BSCL2: variants seen among roughly 807,000 people sequenced by gnomAD.
BSCL2 encodes the protein BSCL2 lipid droplet biogenesis associated, seipin.
A neutral mutation model predicts 57.4 loss-of-function variants in BSCL2; 41 were observed. That is an observed-to-expected ratio of 0.71 (90% confidence interval 0.56 to 0.93). The LOEUF (loss-of-function observed/expected upper bound fraction) is 0.93, where lower values mean the gene tolerates loss of function less well. Ranked by LOEUF, BSCL2 falls within the 40% of genes least tolerant of loss-of-function variation. The pLI is 0.00. For synonymous variants in BSCL2, 237 were observed against 227.3 expected (o/e 1.04, Z -0.38); for missense variants, 539 against 586.7 (o/e 0.92, Z 0.84).
chr11:62,709,322 G>A (rs865806200), upstream of BSCL2: 8 of 454,086 alleles, frequency 1.8e-5, no homozygotes, highest in Non-Finnish European at 3.5e-5. Context: ...AGATCAGAGG[G>A]GTCGGGGGAT....
chr11:62,692,431 G>T lies in BSCL2; in HGVS notation c.808C>A (p.Arg270Ser), dbSNP rs751664305. Residue 270 changes from arginine (R) to serine (S), a missense_variant, in exon 6 of 11, where the codon CGC becomes AGC. Arg to Ser is a moderately radical substitution (Grantham distance 110). Coordinates refer to ENST00000360796, the MANE Select transcript of BSCL2 (RefSeq NM_001122955.4). ...AGGTAGGCTCCATACAGCTGGATGC[G>T]CTTGCTGTGGATCTCAATGATCGCT... ...TGAIIEIHSK[R>S]IQLYGAYLRI... 1 of 1,614,140 alleles carries T rather than the reference G, an allele frequency of 6.2e-7. No individual in the cohort carries two copies.
upstream of BSCL2, chr11:62,709,493 G>A (rs1198090027): frequency 4.4e-6 from 2 of 454,014 alleles, no homozygotes; most frequent in South Asian, 1.6e-5. Context: ...GAGTGCAGTC[G>A]TACAGCAGAG....
upstream of BSCL2, chr11:62,709,282 C>G (rs1423839077): frequency 6.6e-6 from 3 of 454,228 alleles, no homozygotes; most frequent in South Asian, 4.7e-5. Flanking sequence ...AAGGGCCAAT[C>G]AATGCAGGCT....
chr11:62,705,603 A>G lies in BSCL2; in HGVS notation c.102T>C (p.Ala34=). The change falls in exon 2 of 11, where the codon GCT becomes GCC. Residue 34 remains alanine (A), a synonymous_variant. Coordinates refer to ENST00000360796, the MANE Select transcript of BSCL2 (RefSeq NM_001122955.4). ...GPDKEEEPPA[A]ASHGQGWRPG... ...GACGCCACCCCTGGCCATGGGATGCAGCAGCTGGTGGTTCCTGGAAAGAGA... is the reference window on the plus strand; with the variant it reads ...GACGCCACCCCTGGCCATGGGATGCGGCAGCTGGTGGTTCCTGGAAAGAGA... 1.3e-6 allele frequency: 2 copies of G among 1,541,696 alleles called. No individual in the cohort carries two copies. The highest frequency in any genetic ancestry group is 1.8e-6 in the Non-Finnish European group (2 of 1,139,818).
rs201229787 is a variant in BSCL2 at position 62,691,293 on chromosome 11, C to T, written c.992G>A (p.Arg331His). The T allele has an allele frequency of 3.3e-5, 54 of 1,614,130 alleles. No individual in the cohort carries two copies. The African/African-American group carries it at 5.1e-4, about 15-fold the overall frequency. The change falls in exon 7 of 11, where the codon CGC (arginine) becomes CAC (histidine). Residue 331 changes from arginine (R) to histidine (H), a missense_variant. This residue lies in a region of BSCL2 where 248 missense variants were observed against 239.9 expected (regional missense o/e 1.03). Transcript: ENST00000360796. ...GCCCCTTTCGACCTGCAAAGAGAAG[C>T]GGTGTCGGGGCCAGATGCCCCCCCA... ...WVWGGIWPRH[R>H]FSLQVNIRKR...
rs756196182 is a variant in BSCL2, at chr11:62,692,677, A to G, written c.751T>C (p.Tyr251His). The part of the protein sequence containing the change: ...QLLEVELYAD[Y>H]RENSYVPTTG... ...ACCTCACTCACCGAGTTCTCTCTATAGTCTGCGTAGAGTTCCACCTCCAGC... is the reference window on the plus strand; with the variant it reads ...ACCTCACTCACCGAGTTCTCTCTATGGTCTGCGTAGAGTTCCACCTCCAGC... Residue 251 changes from tyrosine (Y) to histidine (H), a missense_variant, in exon 5 of 11, where the codon TAT becomes CAT. Physicochemically the swap from Tyr to His is moderately conservative, Grantham distance 83. Transcript: ENST00000360796. The G allele has an allele frequency of 2.5e-6, 4 of 1,614,118 alleles. No homozygotes were observed. The highest frequency in any genetic ancestry group is 3.4e-6 in the Non-Finnish European group (4 of 1,180,034).
chr11:62,707,083 C>A (rs983973824), intron 1 of BSCL2, 26 bp downstream of exon 1: 4 of 1,544,824 alleles, frequency 2.6e-6, no homozygotes, highest in Non-Finnish European at 3.5e-6. Flanking sequence ...TATATTTCTG[C>A]TGACTGTCCC....
At position 62,690,512 on chromosome 11, in the gene BSCL2, G is replaced by A. The variant is rs1590868109; in HGVS notation, c.1244C>T (p.Ser415Phe). 3 of 1,614,146 alleles carry A rather than the reference G, an allele frequency of 1.9e-6. No homozygotes were observed. Among genetic ancestry groups the A allele is most frequent in the East Asian group, 2.2e-5 (1 of 44,882 alleles). The change falls in exon 11 of 11, where the codon TCC (serine) becomes TTC (phenylalanine). Residue 415 changes from serine (S) to phenylalanine (F), a missense_variant. Coordinates refer to ENST00000360796, the MANE Select transcript of BSCL2 (RefSeq NM_001122955.4). ...LEPEASDGSG[S>F]WEDAALLTEA... ...CGTCAGCAAAGCTGCATCTTCCCAG[G>A]AGCCTGAACCTGGGCCAGGAAAGGG...
intron 3 of BSCL2, among the ~76,000 whole-genome samples, chr11:62,696,724 A>C (rs1893761): frequency 0.71 from 108,373 of 151,838 alleles, 39,568 homozygotes; most frequent in Admixed American, 0.81. Flanking sequence ...CACCCAGCTA[A>C]TTTTTTATTT....
At chr11:62,697,498 C>G (rs1176370318) in intron 3 of BSCL2, 1 of 146,954 alleles carries the variant, frequency 6.8e-6, no homozygotes, top group Non-Finnish European at 1.5e-5. Context: ...CTTAAAAGAT[C>G]CGCTTTGGGC....
upstream of BSCL2, chr11:62,708,508 G>A: frequency 2.5e-6 from 3 of 1,206,576 alleles, no homozygotes; most frequent in African/African-American, 3.0e-5. Flanking sequence ...GGTCAGGGGA[G>A]GAGTCTGGGG....
chr11:62,690,369 AGGAACTAGAGCAGGTGGGGCGCTGTC>A lies in BSCL2; in HGVS notation c.1361_1386del (p.Arg454LeufsTer16), dbSNP rs779154593. On this transcript the variant is annotated frameshift_variant, in exon 11 of 11. Transcript: ENST00000360796. LOFTEE classifies it high-confidence loss of function. ...TGTGAGGAGTCTGCCCCTTTTCTTC[AGGAACTAGAGCAGGTGGGGCGCTGTC>A]GGAGAGCACCCCCAGCAGGTTCAGA... 10 of 1,614,012 alleles carry A rather than the reference AGGAACTAGAGCAGGTGGGGCGCTGTC, an allele frequency of 6.2e-6. No individual in the cohort carries two copies. The Admixed American group carries it at 1.7e-4, about 27-fold the overall frequency.
Position 62,705,633 on chromosome 11 carries a change from G to A in BSCL2, c.88-16C>T. 2 of 1,491,394 alleles carry A rather than the reference G, an allele frequency of 1.3e-6. No individual in the cohort carries two copies. Among genetic ancestry groups the A allele is most frequent in the Non-Finnish European group, 1.8e-6 (2 of 1,115,524 alleles). 92.4% of individuals were successfully genotyped at this position (1,491,394 alleles called of 1,614,324 possible). A position where few individuals can be genotyped will look rare whatever the true frequency, so the allele number is the denominator to read the frequency against. Reference sequence around the variant, plus strand: ...CTGGTGGTTCCTGGAAAGAGAGGGTGAGGGAAAAGAGTGACTCCTTTCCCC... The same window carrying A: ...CTGGTGGTTCCTGGAAAGAGAGGGTAAGGGAAAAGAGTGACTCCTTTCCCC... On this transcript the variant is annotated splice_polypyrimidine_tract_variant and intron_variant, in intron 1 of 10. Coordinates refer to ENST00000360796, the MANE Select transcript of BSCL2 (RefSeq NM_001122955.4).
upstream of BSCL2, chr11:62,709,524 G>A (rs547165823): frequency 3.3e-5 from 15 of 452,046 alleles, no homozygotes; most frequent in African/African-American, 2.0e-5. Context: ...GAGGGTAGGG[G>A]CGGAGCTTGG....
intron 4 of BSCL2, 45 bp downstream of exon 4, chr11:62,694,523 T>C: frequency 6.2e-7 from 1 of 1,613,478 alleles, no homozygotes; most frequent in Non-Finnish European, 8.5e-7. Flanking sequence ...ATTCTGATCC[T>C]GCCATCTTCC....
At chr11:62,694,837 T>A in intron 3 of BSCL2, 126 bp from the exon 4 acceptor site, 2 of 1,151,250 alleles carry the variant, frequency 1.7e-6, no homozygotes, top group Non-Finnish European at 2.5e-6. Context: ...TTGGGTAGCC[T>A]AACGGGCCTT....
At chr11:62,692,115 G>A (rs1945328093) in intron 6 of BSCL2, among the ~76,000 whole-genome samples, 1 of 151,890 alleles carries the variant, frequency 6.6e-6, no homozygotes, top group African/African-American at 2.4e-5. Flanking sequence ...ATTTCTGGGT[G>A]GATGGCAGGG....
chr11:62,692,475 TGTGAGGGG>T lies in BSCL2; in HGVS notation c.766-10_766-3del. ...GATCGCTCCAGTGGTCGGCACGTAC[TGTGAGGGG>T]GTGGGGTGAGGGTGGCGTCAGGCCA... is the stretch of plus-strand genomic sequence containing the variant. On this transcript the variant is annotated splice_region_variant and splice_polypyrimidine_tract_variant and intron_variant, in intron 5 of 10. Transcript: ENST00000360796. 2 of 1,613,706 alleles carry T rather than the reference TGTGAGGGG, an allele frequency of 1.2e-6. No homozygotes were observed. Among genetic ancestry groups the T allele is most frequent in the Non-Finnish European group, 1.7e-6 (2 of 1,180,002 alleles).
chr11:62,707,657 T>C, upstream of BSCL2: 1 of 447,900 alleles, frequency 2.2e-6, no homozygotes, highest in South Asian at 2.2e-5. Context: ...GTTGGTATGC[T>C]CCAGGATCTG....
Sources: allele counts gnomAD v4.1 joint callset (sites outside exome capture counted in the v4.1 genomes callset), GRCh38; gene constraint gnomAD v4.1.1; regional missense constraint gnomAD v4.1.1; transcripts MANE v1.5; gene names NCBI Gene and HGNC (gene_info 2026-07-23, HGNC 2026-07-21).